The following SPATA13 variants were observed in gnomAD, a reference collection of about 807,000 sequenced individuals.
SPATA13 encodes the protein spermatogenesis associated 13.
In SPATA13, 50 loss-of-function variants were observed where a neutral mutation model predicts 104.0. The observed-to-expected ratio is 0.48, with a 90% CI of 0.38 to 0.61. The LOEUF (loss-of-function observed/expected upper bound fraction) is 0.61, where lower values mean the gene tolerates loss of function less well. Ranked by LOEUF, SPATA13 falls within the 20% of genes least tolerant of loss-of-function variation. The pLI is 0.00. For synonymous variants in SPATA13, 606 were observed against 667.5 expected, an observed-to-expected ratio of 0.91 and a Z score of 1.42; for missense variants, 1,524 against 1,690.6, an observed-to-expected ratio of 0.90 and a Z score of 1.73.
chr13:24,235,363 G>C (rs915938176), intron 2 of SPATA13, among the ~76,000 whole-genome samples: 2 of 152,218 alleles, frequency 1.3e-5, no homozygotes, highest in African/African-American at 4.8e-5. Flanking sequence ...TAGGTATAAA[G>C]TGTCCTGTAC....
rs559489956 is a variant in SPATA13, at chr13:24,105,841, T to A, written c.-112+88140T>A. Among the ~76,000 whole-genome samples, 10 of 152,024 alleles carry A rather than the reference T, an allele frequency of 6.6e-5. No homozygotes were observed. The South Asian group carries it at 2.1e-3, about 32-fold the overall frequency. ...CAATCAGCTGGTGTCTCTTAAGAAA[T>A]TAGGACACAGACACACACAGAGGGT... On this transcript the variant is annotated intron_variant, in intron 3 of 14. Coordinates refer to the SPATA13 transcript ENST00000424834.
intron 3 of SPATA13, chr13:24,251,444 C>A: frequency 1.0e-6 from 1 of 984,626 alleles, no homozygotes; most frequent in Non-Finnish European, 1.2e-6. Flanking sequence ...TCAGAAGCTT[C>A]TTTTTCCTTA....
intron 2 of SPATA13, among the ~76,000 whole-genome samples, chr13:24,247,570 C>G (rs1408021444): frequency 7.0e-6 from 1 of 143,650 alleles, no homozygotes; most frequent in Non-Finnish European, 1.5e-5. Context: ...ACTTCCACCT[C>G]CCGTGTTCAA....
chr13:24,030,592 C>T (rs865988522), intron 3 of SPATA13, among the ~76,000 whole-genome samples: 2 of 152,178 alleles, frequency 1.3e-5, no homozygotes, highest in Non-Finnish European at 2.9e-5. Flanking sequence ...ATGTCCCCAG[C>T]GCCCTAGAAC....
upstream of SPATA13, among the ~76,000 whole-genome samples, chr13:24,155,953 G>A (rs189171022): frequency 1.3e-3 from 195 of 152,204 alleles, no homozygotes; most frequent in Admixed American, 1.8e-3. Flanking sequence ...TTTTGTGATG[G>A]GCTTATGCAT....
At position 24,122,173 on chromosome 13, in the gene SPATA13, T is replaced by G. The variant is rs1593343701; in HGVS notation, c.-111-100646T>G. 3.0e-5 allele frequency: 47 copies of G among 1,578,394 alleles called. No homozygotes were observed. The East Asian group carries it at 1.1e-3, about 35-fold the overall frequency. ...CAATCATTTTGGATTCATGGGCTGC[T>G]CTTCTTTGATCAGCCAGCATTGCTA... On this transcript the variant is annotated intron_variant, in intron 3 of 14. Transcript: ENST00000424834.
chr13:24,266,837 G>A (rs1258855726), intron 4 of SPATA13, among the ~76,000 whole-genome samples: 3 of 151,236 alleles, frequency 2.0e-5, no homozygotes, highest in African/African-American at 7.3e-5. Flanking sequence ...TGTCACCCAG[G>A]CTGGTGTGCA....
Position 23,998,928 on chromosome 13 carries a change from GT to G in SPATA13, c.-147+15010del, listed in dbSNP as rs10649768. Among the ~76,000 whole-genome samples the G allele has an allele frequency of 1.4e-3, 201 of 147,416 alleles. 3 individuals carry two copies. Among genetic ancestry groups the G allele is most frequent in the Non-Finnish European group, 1.1e-3 (71 of 67,068 alleles). On this transcript the variant is annotated intron_variant, in intron 2 of 14. Coordinates refer to the SPATA13 transcript ENST00000424834. ...ATTTTCCATCTTTTCACTAACTTTG[GT>G]TTTTTTTTTTTTTTGAGATGGAGTC...
At chr13:24,138,449 T>C (rs1401303855) in intron 3 of SPATA13, among the ~76,000 whole-genome samples, 1 of 152,248 alleles carries the variant, frequency 6.6e-6, no homozygotes, top group African/African-American at 2.4e-5. Flanking sequence ...ATTGATGTGA[T>C]GTTGAATTTT....
chr13:24,258,855 A>C (rs1873919449), intron 4 of SPATA13, among the ~76,000 whole-genome samples: 1 of 152,242 alleles, frequency 6.6e-6, no homozygotes, highest in Non-Finnish European at 1.5e-5. Context: ...CCACAGAAAC[A>C]GGTCCTCTTC....
At chr13:24,124,112 G>T (rs1881131898) in intron 3 of SPATA13, among the ~76,000 whole-genome samples, 1 of 152,212 alleles carries the variant, frequency 6.6e-6, no homozygotes, top group Admixed American at 6.5e-5. Flanking sequence ...CTGGGCAGCA[G>T]AGTCTTCTAA....
intron 4 of SPATA13, among the ~76,000 whole-genome samples, chr13:24,259,833 T>C (rs1356519190): frequency 6.6e-6 from 1 of 152,196 alleles, no homozygotes. Flanking sequence ...AGATTTTCTT[T>C]AGAGACAGAG....
At chr13:24,096,130 T>C (rs1460458251) in intron 3 of SPATA13, among the ~76,000 whole-genome samples, 1 of 152,156 alleles carries the variant, frequency 6.6e-6, no homozygotes, top group Non-Finnish European at 1.5e-5. Context: ...TGACTTTTCA[T>C]TGGGATCCTA....
intron 2 of SPATA13, among the ~76,000 whole-genome samples, chr13:24,003,367 G>C (rs1876069812): frequency 6.6e-6 from 1 of 152,216 alleles, no homozygotes; most frequent in South Asian, 2.1e-4. Context: ...AGGTTTACAA[G>C]AGAAGGTGGT....
chr13:24,177,215 TTTAACAA>T (rs533858720), intron 1 of SPATA13, among the ~76,000 whole-genome samples: 73 of 152,338 alleles, frequency 4.8e-4, no homozygotes, highest in African/African-American at 1.5e-3. Flanking sequence ...CTCAGTTACT[TTTAACAA>T]TTAAGAAATT....
intron 3 of SPATA13, among the ~76,000 whole-genome samples, chr13:24,047,887 T>C (rs896757422): frequency 2.0e-5 from 3 of 152,148 alleles, no homozygotes; most frequent in Non-Finnish European, 2.9e-5. Context: ...AGTTCCTGTC[T>C]AAACCCAAAG....
Position 24,284,255 on chromosome 13 carries a change from A to G in SPATA13, c.2285A>G (p.Gln762Arg). ...CGGTACCTGCAGCCCGGCGGGGAGC[A>G]GCTGGCCATCAATGAGGTACTGGAA... ...SPRYLQPGGE[Q>R]LAINELISDG... The change falls in exon 5 of 13, where the codon CAG (glutamine) becomes CGG (arginine). Residue 762 changes from glutamine to arginine, a missense_variant. Physicochemically the swap from Gln to Arg is conservative, Grantham distance 43. Transcript: ENST00000382108. 6.2e-7 allele frequency: 1 copy of G among 1,613,522 alleles called. No individual in the cohort carries two copies. Among genetic ancestry groups the G allele is most frequent in the South Asian group, 1.1e-5 (1 of 91,008 alleles).
At chr13:24,077,688 T>C (rs1232597366) in intron 3 of SPATA13, among the ~76,000 whole-genome samples, 3 of 151,900 alleles carry the variant, frequency 2.0e-5, no homozygotes, top group Non-Finnish European at 2.9e-5. Context: ...CAGGTCACAG[T>C]GTATTATAGA....
intron 1 of SPATA13, among the ~76,000 whole-genome samples, chr13:24,185,038 A>G (rs1392632399): frequency 1.3e-5 from 2 of 152,070 alleles, no homozygotes; most frequent in African/African-American, 2.4e-5. Context: ...ACGTGTATCG[A>G]GCATTGTGTT....
Sources: allele counts gnomAD v4.1 joint callset (sites outside exome capture counted in the v4.1 genomes callset), GRCh38; gene constraint gnomAD v4.1.1; transcripts MANE v1.5; gene names NCBI Gene and HGNC (gene_info 2026-07-23, HGNC 2026-07-21).